Variants in PLEKHA7 observed in about 807,000 individuals in gnomAD.
PLEKHA7 encodes the protein pleckstrin homology domain containing A7, also known as pleckstrin homology domain-containing family A member 7.
Under a neutral mutation model 170.0 loss-of-function variants are expected in PLEKHA7, and 104 were observed. The ratio of observed to expected loss-of-function variants is 0.61; its 90% CI spans 0.52 to 0.72. The LOEUF is 0.72. Ranked by LOEUF, PLEKHA7 falls within the 30% of genes least tolerant of loss-of-function variation. PLEKHA7 has a pLI of 0.00. For synonymous variants in PLEKHA7, 648 were observed against 660.8 expected, an observed-to-expected ratio of 0.98 and a Z score of 0.30; for missense variants, 1,615 against 1,671.7, an observed-to-expected ratio of 0.97 and a Z score of 0.59.
intron 3 of PLEKHA7, among the ~76,000 whole-genome samples, chr11:16,928,826 G>A (rs2136309565): frequency 6.6e-6 from 1 of 151,668 alleles, no homozygotes; most frequent in East Asian, 1.9e-4. Flanking sequence ...GGTAGTTTAG[G>A]GTACATTTGA....
At chr11:16,945,274 T>C (rs934248192) in intron 3 of PLEKHA7, among the ~76,000 whole-genome samples, 1 of 152,186 alleles carries the variant, frequency 6.6e-6, no homozygotes, top group Admixed American at 6.5e-5. Flanking sequence ...TAATTTGAAG[T>C]AGGTCTATAT....
chr11:16,998,429 C>G (rs1159715168), intron 3 of PLEKHA7, among the ~76,000 whole-genome samples: 4 of 152,188 alleles, frequency 2.6e-5, no homozygotes, highest in Non-Finnish European at 5.9e-5. Context: ...ATTCTTACAT[C>G]GTATGTCACT....
intron 5 of PLEKHA7, 70 bp downstream of exon 5, chr11:16,855,733 C>T (rs1447104479): frequency 1.0e-5 from 12 of 1,163,376 alleles, no homozygotes; most frequent in Admixed American, 4.0e-5. Flanking sequence ...ATCAAATGGA[C>T]TTCTGGTTAC....
intron 18 of PLEKHA7, 32 bp downstream of exon 18, chr11:16,794,878 A>G: frequency 4.8e-6 from 6 of 1,243,104 alleles, no homozygotes; most frequent in East Asian, 2.5e-5. Context: ...CCCCAATCAG[A>G]TCCCCCACAT....
chr11:16,993,081 A>G (rs541201897), intron 3 of PLEKHA7, among the ~76,000 whole-genome samples: 133 of 152,194 alleles, frequency 8.7e-4, no homozygotes, highest in African/African-American at 3.0e-3. Flanking sequence ...GGCGTCAGGG[A>G]GACCCTCAGC....
intron 13 of PLEKHA7, among the ~76,000 whole-genome samples, chr11:16,805,627 TA>T: frequency 6.6e-6 from 1 of 151,464 alleles, no homozygotes; most frequent in Non-Finnish European, 1.5e-5. Context: ...CCATCTCTAC[TA>T]AAAATACAAA....
At chr11:16,929,452 G>T (rs934551664) in intron 3 of PLEKHA7, among the ~76,000 whole-genome samples, 2 of 152,168 alleles carry the variant, frequency 1.3e-5, no homozygotes, top group South Asian at 4.1e-4. Context: ...TATACTCTTG[G>T]TCCTAAGAAC....
At chr11:16,987,263 AC>A (rs1399422496) in intron 3 of PLEKHA7, among the ~76,000 whole-genome samples, 1 of 65,628 alleles carries the variant, frequency 1.5e-5, no homozygotes, top group Admixed American at 1.6e-4. Flanking sequence ...CATCCCCCAC[AC>A]CCCCCACTGA....
intron 3 of PLEKHA7, among the ~76,000 whole-genome samples, chr11:16,885,455 T>A (rs1856016560): frequency 6.6e-6 from 1 of 151,088 alleles, no homozygotes; most frequent in Non-Finnish European, 1.5e-5. Flanking sequence ...GGTCAGGAAT[T>A]TGAGACTAGC....
chr11:16,934,462 GC>G (rs1233229291), intron 3 of PLEKHA7, among the ~76,000 whole-genome samples: 10 of 152,314 alleles, frequency 6.6e-5, no homozygotes, highest in East Asian at 3.9e-4. Flanking sequence ...ACATGAAGCA[GC>G]CCATGTTTAC....
intron 13 of PLEKHA7, among the ~76,000 whole-genome samples, chr11:16,806,077 T>C (rs1159254290): frequency 6.6e-6 from 1 of 152,224 alleles, no homozygotes; most frequent in Non-Finnish European, 1.5e-5. Flanking sequence ...GCCTTTCCTC[T>C]GTATCCTCAA....
At chr11:16,803,153 C>G (rs1848713064) in intron 14 of PLEKHA7, 74 bp downstream of exon 14, 1 of 1,566,302 alleles carries the variant, frequency 6.4e-7, no homozygotes, top group Admixed American at 1.7e-5. Flanking sequence ...CATCCAAGCC[C>G]TGCCTGAAGC....
chr11:16,970,362 A>G (rs562615181), intron 3 of PLEKHA7, among the ~76,000 whole-genome samples: 25 of 152,286 alleles, frequency 1.6e-4, no homozygotes, highest in South Asian at 4.1e-4. Context: ...TTTAAGGATC[A>G]AAAGAGAAAA....
intron 3 of PLEKHA7, among the ~76,000 whole-genome samples, chr11:16,937,054 G>A (rs1403579001): frequency 6.6e-6 from 1 of 152,190 alleles, no homozygotes; most frequent in South Asian, 2.1e-4. Flanking sequence ...TACAGGATTG[G>A]ATTTATAGCA....
At chr11:16,852,875 T>C (rs1288279015) in intron 6 of PLEKHA7, among the ~76,000 whole-genome samples, 1 of 152,248 alleles carries the variant, frequency 6.6e-6, no homozygotes. Context: ...GAATTTGGAT[T>C]CTCTTTGCTA....
intron 10 of PLEKHA7, among the ~76,000 whole-genome samples, chr11:16,818,576 G>T (rs1564956415): frequency 6.6e-6 from 1 of 152,172 alleles, no homozygotes; most frequent in Non-Finnish European, 1.5e-5. Context: ...ACTTTTCCAA[G>T]GTCCTATATT....
intron 3 of PLEKHA7, among the ~76,000 whole-genome samples, chr11:16,872,613 G>A (rs1428849877): frequency 6.6e-6 from 1 of 152,186 alleles, no homozygotes; most frequent in East Asian, 1.9e-4. Flanking sequence ...TCAAACTCCT[G>A]GGCTCAAGTG....
Position 17,014,159 on chromosome 11 carries a change from C to T in PLEKHA7, c.129G>A (p.Gly43=), listed in dbSNP as rs192507839. 1,630 of 1,602,140 alleles carry T rather than the reference C, an allele frequency of 1.0e-3. 15 individuals carry two copies. In the African/African-American group the frequency reaches 0.019, roughly 19 times the overall value. ...RCTTWLHPRT[G]EPVNSGHMIR... is the part of the protein sequence containing the mutation. Reference sequence around the variant, plus strand: ...TCATGTGGCCCGAGTTGACGGGCTCCCCGGTGCGCGGATGCAGCCAGGTCG... The same window carrying T: ...TCATGTGGCCCGAGTTGACGGGCTCTCCGGTGCGCGGATGCAGCCAGGTCG... The change falls in exon 2 of 27, where the codon GGG becomes GGA. Residue 43 remains glycine, a synonymous_variant. Transcript: ENST00000531066.
At chr11:17,003,827 C>T (rs1265711940) in intron 3 of PLEKHA7, among the ~76,000 whole-genome samples, 5 of 152,196 alleles carry the variant, frequency 3.3e-5, no homozygotes, top group Non-Finnish European at 7.3e-5. Context: ...GGCCAGTATC[C>T]TGAAGAGGGC....
Sources: gnomAD v4.1 joint callset for allele counts (sites outside exome capture counted in the v4.1 genomes callset) on GRCh38, gnomAD v4.1.1 for gene constraint, MANE v1.5 for transcripts, NCBI Gene and HGNC (gene_info 2026-07-23, HGNC 2026-07-21) for gene names.